Variants in CDC42BPB observed in about 807,000 individuals in gnomAD.
CDC42BPB encodes the protein serine/threonine-protein kinase MRCK beta.
CDC42BPB carries 37 observed loss-of-function variants against 214.9 expected under a neutral mutation model. The observed-to-expected ratio is 0.17, with a 90% CI of 0.13 to 0.23. The LOEUF (loss-of-function observed/expected upper bound fraction) is 0.23, where lower values mean the gene tolerates loss of function less well. CDC42BPB is among the 10% of genes least tolerant of loss of function. The pLI is 1.00. For missense variants in CDC42BPB, 1,694 were observed against 2,227.0 expected (o/e 0.76, Z 4.82); for synonymous variants, 931 against 884.0 (o/e 1.05, Z -0.94).
At chr14:103,037,193 AAAGC>A (rs764593724) in intron 1 of CDC42BPB, among the ~76,000 whole-genome samples, 9 of 152,268 alleles carry the variant, frequency 5.9e-5, no homozygotes, top group African/African-American at 1.9e-4. Context: ...TTAAAATAAA[AAAGC>A]AAGAAAGACA....
At chr14:102,964,774 A>G (rs1893119714) in intron 18 of CDC42BPB, 124 bp from the exon 19 acceptor site, 1 of 1,337,920 alleles carries the variant, frequency 7.5e-7, no homozygotes, top group Non-Finnish European at 9.5e-7. Flanking sequence ...TATTAACTCT[A>G]AATTATGGAG....
intron 34 of CDC42BPB, among the ~76,000 whole-genome samples, chr14:102,939,081 C>T (rs1207899242): frequency 6.6e-6 from 1 of 152,090 alleles, no homozygotes; most frequent in African/African-American, 2.4e-5. Context: ...GGACTACAGG[C>T]ACCTGCCGCC....
chr14:102,985,994 G>A (rs1894230215), intron 6 of CDC42BPB, among the ~76,000 whole-genome samples: 1 of 152,210 alleles, frequency 6.6e-6, no homozygotes, highest in African/African-American at 2.4e-5. Context: ...CTGCTGGCGG[G>A]AGTGTCAGCT....
intron 1 of CDC42BPB, among the ~76,000 whole-genome samples, chr14:103,043,200 C>T (rs759528851): frequency 8.5e-5 from 13 of 152,214 alleles, no homozygotes; most frequent in Non-Finnish European, 1.8e-4. Flanking sequence ...GCCAAGATCA[C>T]GCCACTGCAC....
rs1391331172 is a variant in CDC42BPB at position 103,057,065 on chromosome 14, G to A, written c.109C>T (p.Leu37=). 2.0e-6 allele frequency: 3 copies of A among 1,524,990 alleles called. No homozygotes were observed. Among genetic ancestry groups the A allele is most frequent in the Non-Finnish European group, 1.8e-6 (2 of 1,141,202 alleles). The allele number at this position is 1,524,990 out of a possible 1,614,324, so 94.5% of individuals were successfully genotyped here. A position where few individuals can be genotyped will look rare whatever the true frequency, so the allele number is the denominator to read the frequency against. ...VETLLDVLVC[L]YTECSHSALR... is the part of the protein sequence containing the mutation. ...GCCGAGTGGCTGCACTCGGTGTACA[G>A]GCAGACGAGCACGTCGAGCAGCGTT... is the stretch of plus-strand genomic sequence containing the variant. Residue 37 remains leucine, a synonymous_variant, in exon 1 of 37, where the codon CTG becomes TTG. Coordinates refer to ENST00000361246, the MANE Select transcript of CDC42BPB (RefSeq NM_006035.4).
intron 27 of CDC42BPB, 175 bp from the exon 28 acceptor site, chr14:102,946,859 G>A (rs1030544229): frequency 1.0e-6 from 1 of 985,354 alleles, no homozygotes; most frequent in Non-Finnish European, 1.2e-6. Context: ...CCCGCGGCAG[G>A]ACACGGAAGG....
At chr14:102,996,567 C>A (rs975879493) in intron 5 of CDC42BPB, among the ~76,000 whole-genome samples, 3 of 151,974 alleles carry the variant, frequency 2.0e-5, no homozygotes, top group Non-Finnish European at 2.9e-5. Flanking sequence ...AATTCCAGAA[C>A]TTTGGGAGGC....
chr14:103,041,598 C>T (rs1887998497), intron 1 of CDC42BPB: 4 of 894,194 alleles, frequency 4.5e-6, no homozygotes, highest in Non-Finnish European at 7.1e-6. Flanking sequence ...AAGTGCCCCA[C>T]ATTGCCCTGC....
rs558390946 is a variant in CDC42BPB, at chr14:102,986,711, C to G, written c.597-131G>C. ...TGTGAACAGCTGTCACCATCCAGTACAAATGCCTCTGTGTGACATTCAGCT... is the reference window on the plus strand; with the variant it reads ...TGTGAACAGCTGTCACCATCCAGTAGAAATGCCTCTGTGTGACATTCAGCT... On this transcript the variant is annotated intron_variant, in intron 5 of 36. Transcript: ENST00000361246. 71 of 1,375,614 alleles carry G rather than the reference C, an allele frequency of 5.2e-5. No individual in the cohort carries two copies. The African/African-American group carries it at 9.3e-4, about 18-fold the overall frequency. 85.2% of individuals were successfully genotyped at this position (1,375,614 alleles called of 1,614,324 possible).
At chr14:103,009,428 T>G (rs575559268) in intron 2 of CDC42BPB, among the ~76,000 whole-genome samples, 6 of 152,280 alleles carry the variant, frequency 3.9e-5, no homozygotes, top group African/African-American at 1.2e-4. Context: ...TGTACAGATA[T>G]GGACTCTGAG....
intron 1 of CDC42BPB, among the ~76,000 whole-genome samples, chr14:103,034,818 C>CAAAAA (rs573894825): frequency 8.0e-5 from 5 of 62,830 alleles, no homozygotes; most frequent in Non-Finnish European, 7.1e-5. Flanking sequence ...ACTCCGTCTC[C>CAAAAA]AAAAAAAAAA....
intron 26 of CDC42BPB, 26 bp from the exon 27 acceptor site, chr14:102,947,828 G>A (rs1321068821): frequency 2.2e-5 from 36 of 1,611,136 alleles, no homozygotes; most frequent in Non-Finnish European, 2.9e-5. Context: ...CATTGACCCC[G>A]CTGGGAGACA....
intron 1 of CDC42BPB, among the ~76,000 whole-genome samples, chr14:103,045,879 C>T (rs939190819): frequency 6.6e-6 from 1 of 152,190 alleles, no homozygotes. Flanking sequence ...TTCACTGCTG[C>T]AGTGCCTAGC....
At chr14:103,025,420 A>G (rs1886994281) in intron 1 of CDC42BPB, among the ~76,000 whole-genome samples, 1 of 151,974 alleles carries the variant, frequency 6.6e-6, no homozygotes, top group South Asian at 2.1e-4. Flanking sequence ...CTTTACTCAT[A>G]ATTATCAAAA....
At position 102,945,721 on chromosome 14, in the gene CDC42BPB, G is replaced by C. The variant is rs1216614824; in HGVS notation, c.3752C>G (p.Ala1251Gly). The change falls in exon 29 of 37, where the codon GCA (alanine) becomes GGA (glycine). Residue 1251 changes from alanine (A) to glycine (G), a missense_variant. Ala to Gly is a moderately conservative substitution (Grantham distance 60). Transcript: ENST00000361246. ...KAILTAAIVD[A>G]DRIAVGLEEG... Reference sequence around the variant, plus strand: ...TTCTAGGCCGACTGCAATCCTGTCTGCATCTGTGGAGGGGTAAGTAACATA... The same window carrying C: ...TTCTAGGCCGACTGCAATCCTGTCTCCATCTGTGGAGGGGTAAGTAACATA... 2.5e-6 allele frequency: 4 copies of C among 1,612,756 alleles called. No individual in the cohort carries two copies. Among genetic ancestry groups the C allele is most frequent in the African/African-American group, 1.3e-5 (1 of 75,050 alleles).
intron 23 of CDC42BPB, 82 bp downstream of exon 23, chr14:102,954,116 A>C: frequency 1.0e-6 from 1 of 984,964 alleles, no homozygotes; most frequent in Non-Finnish European, 1.6e-6. Context: ...TTATTTATAC[A>C]AAACTTATTT....
chr14:103,029,796 T>G (rs1202528666), intron 1 of CDC42BPB, among the ~76,000 whole-genome samples: 1 of 138,928 alleles, frequency 7.2e-6, no homozygotes, highest in African/African-American at 2.8e-5. Context: ...GAGGCGGAGG[T>G]TGCAGTGAGC....
At chr14:103,012,315 G>C in intron 1 of CDC42BPB, 127 bp from the exon 2 acceptor site, 1 of 1,452,204 alleles carries the variant, frequency 6.9e-7, no homozygotes, top group Non-Finnish European at 9.0e-7. Context: ...TTTAATATCT[G>C]ACATGTTTTG....
In CDC42BPB at chr14:103,009,396, G is replaced by A. The variant is rs1046585434; in HGVS notation, c.268-841C>T. ...TCACCCTCACAGCGACCCCAGCTGC[G>A]GGGGATTTCTAAAATCCATCTTGTA... On this transcript the variant is annotated intron_variant, in intron 2 of 36. Coordinates refer to ENST00000361246, the MANE Select transcript of CDC42BPB (RefSeq NM_006035.4). Among the ~76,000 whole-genome samples the A allele has an allele frequency of 5.9e-5, 9 of 152,134 alleles. No individual in the cohort carries two copies. The East Asian group carries it at 9.6e-4, about 16-fold the overall frequency.
Sources: gnomAD v4.1 joint callset for allele counts (sites outside exome capture counted in the v4.1 genomes callset) on GRCh38, gnomAD v4.1.1 for gene constraint, MANE v1.5 for transcripts, NCBI Gene and HGNC (gene_info 2026-07-23, HGNC 2026-07-21) for gene names.